The following PCSK6 variants were observed in gnomAD, a reference collection of about 807,000 sequenced individuals.
PCSK6 encodes paired basic amino acid cleaving enzyme 4.
In PCSK6, 85 loss-of-function variants were observed where a neutral mutation model predicts 123.3. The observed-to-expected ratio is 0.69, with a 90% CI of 0.58 to 0.83. PCSK6 has a LOEUF of 0.83. PCSK6 is among the 40% of genes least tolerant of loss of function. The probability of loss-of-function intolerance (pLI) is 0.00; values close to 1 mark genes in which losing one functional copy is unlikely to be tolerated. For synonymous variants in PCSK6, 508 were observed against 516.0 expected, an observed-to-expected ratio of 0.98 and a Z score of 0.21; for missense variants, 1,191 against 1,282.3, an observed-to-expected ratio of 0.93 and a Z score of 1.09.
chr15:101,489,563 GGCGCCCCCCGCGCCCCCC>G lies in PCSK6; in HGVS notation c.90_107del (p.Ala33_Gly38del), dbSNP rs572853288. 2.2e-4 allele frequency: 214 copies of G among 968,208 alleles called. No homozygotes were observed. The highest frequency in any genetic ancestry group is 1.4e-3 in the African/African-American group (80 of 55,274). 60.0% of individuals were successfully genotyped at this position (968,208 alleles called of 1,614,324 possible). ...CGAGCGGCCGGAACCCGGGCCCGCC[GGCGCCCCCCGCGCCCCCC>G]GCGCCCCCCGCGCCCGCGGCGGTGT... On this transcript the variant is annotated inframe_deletion, in exon 1 of 22. Transcript: ENST00000611716.
At chr15:101,353,009 G>T (rs1345751150) in intron 13 of PCSK6, among the ~76,000 whole-genome samples, 1 of 152,244 alleles carries the variant, frequency 6.6e-6, no homozygotes, top group African/African-American at 2.4e-5. Context: ...TTCTTCCACA[G>T]CTGGGGATCC....
chr15:101,488,896 C>T (rs1403309872), intron 1 of PCSK6, among the ~76,000 whole-genome samples: 3 of 150,528 alleles, frequency 2.0e-5, no homozygotes, highest in Non-Finnish European at 4.4e-5. Flanking sequence ...GCCGCCTTGG[C>T]GCGCGCACCG....
intron 11 of PCSK6, among the ~76,000 whole-genome samples, chr15:101,378,860 T>C (rs548156277): frequency 5.5e-4 from 84 of 152,368 alleles, no homozygotes; most frequent in African/African-American, 1.7e-3. Flanking sequence ...ATGGATGGCC[T>C]TTTTTCAAAT....
At chr15:101,356,900 C>T (rs984742563) in intron 13 of PCSK6, among the ~76,000 whole-genome samples, 2 of 152,122 alleles carry the variant, frequency 1.3e-5, no homozygotes, top group South Asian at 2.1e-4. Flanking sequence ...TGATGTGCTA[C>T]TCAACCTTTA....
intron 18 of PCSK6, among the ~76,000 whole-genome samples, chr15:101,319,314 T>C (rs1379506750): frequency 6.6e-6 from 1 of 152,216 alleles, no homozygotes; most frequent in Non-Finnish European, 1.5e-5. Context: ...TTTGCCATAC[T>C]GAGCAAGGGC....
chr15:101,444,341 C>T (rs1352376093), intron 1 of PCSK6, among the ~76,000 whole-genome samples: 2 of 152,174 alleles, frequency 1.3e-5, no homozygotes, highest in Admixed American at 6.5e-5. Context: ...CCAGCTTGTC[C>T]TCACGTCTGT....
chr15:101,486,779 G>A (rs1446450875), intron 1 of PCSK6, among the ~76,000 whole-genome samples: 2 of 152,122 alleles, frequency 1.3e-5, no homozygotes, highest in African/African-American at 4.8e-5. Context: ...CTTGAGCACA[G>A]CGACTATCTG....
intron 2 of PCSK6, among the ~76,000 whole-genome samples, chr15:101,438,220 G>A (rs1331942895): frequency 2.0e-5 from 3 of 152,202 alleles, no homozygotes; most frequent in South Asian, 2.1e-4. Context: ...ACTGCTCAAC[G>A]TGTCTGACAT....
chr15:101,473,881 A>AGT (rs2057663127), intron 1 of PCSK6, among the ~76,000 whole-genome samples: 1 of 94,506 alleles, frequency 1.1e-5, no homozygotes, highest in Non-Finnish European at 2.7e-5. Context: ...GTCTCAAATA[A>AGT]ATAAGTAAAT....
chr15:101,356,933 C>T (rs1203860852), intron 13 of PCSK6, among the ~76,000 whole-genome samples: 1 of 152,104 alleles, frequency 6.6e-6, no homozygotes, highest in East Asian at 1.9e-4. Context: ...AAACTAATTA[C>T]CTAAGCCACG....
At chr15:101,323,987 C>T (rs1490882503) in intron 17 of PCSK6, among the ~76,000 whole-genome samples, 1 of 152,194 alleles carries the variant, frequency 6.6e-6, no homozygotes, top group African/African-American at 2.4e-5. Context: ...GCTTTTGTGT[C>T]TCCCAGGGCG....
chr15:101,311,644 A>G, intron 20 of PCSK6, among the ~76,000 whole-genome samples: 1 of 132,210 alleles, frequency 7.6e-6, no homozygotes, highest in Non-Finnish European at 1.6e-5. Context: ...CTTCCCTCAC[A>G]GCTCACCCCA....
intron 13 of PCSK6, chr15:101,365,761 T>G (rs8029570): frequency 0.42 from 65,715 of 155,044 alleles, 15,351 homozygotes; most frequent in African/African-American, 0.6. Context: ...ACGACAATAT[T>G]GAAAAACTTT....
intron 5 of PCSK6, among the ~76,000 whole-genome samples, chr15:101,429,637 G>A (rs928165052): frequency 1.3e-5 from 2 of 152,208 alleles, no homozygotes; most frequent in Non-Finnish European, 2.9e-5. Flanking sequence ...TGCTCAAACA[G>A]ACCAAACTGC....
At chr15:101,481,079 C>G (rs2057867334) in intron 1 of PCSK6, among the ~76,000 whole-genome samples, 1 of 152,208 alleles carries the variant, frequency 6.6e-6, no homozygotes, top group Non-Finnish European at 1.5e-5. Context: ...CTGCCGGCCA[C>G]CACAGAGGTG....
At chr15:101,393,121 TA>T in intron 8 of PCSK6, 90 bp downstream of exon 8, 1 of 1,077,824 alleles carries the variant, frequency 9.3e-7, no homozygotes, top group Non-Finnish European at 1.4e-6. Flanking sequence ...GGCCTCAATC[TA>T]AGCCATCTTT....
intron 13 of PCSK6, among the ~76,000 whole-genome samples, chr15:101,360,026 G>A (rs576524940): frequency 6.6e-6 from 1 of 152,110 alleles, no homozygotes; most frequent in Admixed American, 6.5e-5. Context: ...TAGGAAACTA[G>A]GACTCCATTC....
chr15:101,467,397 G>A (rs1293572821), intron 1 of PCSK6, among the ~76,000 whole-genome samples: 6 of 151,508 alleles, frequency 4.0e-5, no homozygotes, highest in East Asian at 3.9e-4. Flanking sequence ...TCAGCCTCCC[G>A]AGTAGCTGGG....
At chr15:101,414,436 C>G (rs528464000) in intron 6 of PCSK6, among the ~76,000 whole-genome samples, 20 of 152,248 alleles carry the variant, frequency 1.3e-4, no homozygotes, top group Non-Finnish European at 2.5e-4. Flanking sequence ...ATTGTTGATG[C>G]ATGATGTAAA....
Sources: gnomAD v4.1 joint callset for allele counts (sites outside exome capture counted in the v4.1 genomes callset) on GRCh38, gnomAD v4.1.1 for gene constraint, MANE v1.5 for transcripts, NCBI Gene and HGNC (gene_info 2026-07-23, HGNC 2026-07-21) for gene names.